Variants in PPFIBP2 observed in about 807,000 individuals in gnomAD.
PPFIBP2 encodes liprin-beta-2.
PPFIBP2 carries 118 observed loss-of-function variants against 118.3 expected under a neutral mutation model. The observed-to-expected ratio is 1.00, with a 90% CI of 0.86 to 1.16. The LOEUF (loss-of-function observed/expected upper bound fraction) is 1.16. Among genes scored for constraint, PPFIBP2 ranks in the 50% most tolerant of loss-of-function variants. The pLI is 0.00. For synonymous variants in PPFIBP2, 414 were observed against 397.4 expected (o/e 1.04, Z -0.50); for missense variants, 1,195 against 1,073.1 (o/e 1.11, Z -1.59).
chr11:7,584,363 C>G (rs928076323), intron 3 of PPFIBP2, among the ~76,000 whole-genome samples: 1 of 152,174 alleles, frequency 6.6e-6, no homozygotes, highest in African/African-American at 2.4e-5. Context: ...TTAACCTCCC[C>G]TTATATATAA....
intron 8 of PPFIBP2, among the ~76,000 whole-genome samples, chr11:7,626,993 C>T (rs1850104940): frequency 6.6e-6 from 1 of 152,230 alleles, no homozygotes; most frequent in South Asian, 2.1e-4. Context: ...CCTGCCAAGG[C>T]CTGCTTGTAG....
At chr11:7,630,173 C>T (rs1850564521) in intron 10 of PPFIBP2, among the ~76,000 whole-genome samples, 1 of 152,222 alleles carries the variant, frequency 6.6e-6, no homozygotes, top group African/African-American at 2.4e-5. Flanking sequence ...TTTCACAGCA[C>T]AGGGCTGCTT....
At chr11:7,606,085 A>C in intron 5 of PPFIBP2, 4 of 1,472,278 alleles carry the variant, frequency 2.7e-6, no homozygotes, top group Non-Finnish European at 3.6e-6. Context: ...GTTTGGGGAG[A>C]ATGTGGTATA....
chr11:7,662,171 T>C, the PPFIBP2 span, among the ~76,000 whole-genome samples: 11 of 151,220 alleles, frequency 7.3e-5, no homozygotes, highest in African/African-American at 1.2e-4. Flanking sequence ...TTGTTATGTG[T>C]GAATTTGATC....
At chr11:7,649,448 T>C (rs1340452102) in intron 20 of PPFIBP2, 84 bp from the exon 21 acceptor site, 3 of 1,559,088 alleles carry the variant, frequency 1.9e-6, no homozygotes, top group African/African-American at 1.4e-5. Context: ...GGTTGACTTG[T>C]CTATGCTTGG....
chr11:7,597,450 CTGTG>C, intron 4 of PPFIBP2, 106 bp from the exon 5 acceptor site: 1 of 1,536,670 alleles, frequency 6.5e-7, no homozygotes, highest in South Asian at 1.2e-5. Context: ...AAATCGTTCA[CTGTG>C]TGTAAGAGTC....
At chr11:7,582,248 A>C (rs12098959) in intron 3 of PPFIBP2, among the ~76,000 whole-genome samples, 30,800 of 152,072 alleles carry the variant, frequency 0.2, 3,259 homozygotes, top group East Asian at 0.27. Context: ...CCAGGTACCC[A>C]ACCTTGATTC....
chr11:7,562,572 C>T (rs1854422175), intron 2 of PPFIBP2, among the ~76,000 whole-genome samples: 1 of 152,254 alleles, frequency 6.6e-6, no homozygotes, highest in South Asian at 2.1e-4. Context: ...AGGAATGGGT[C>T]ACTGACGGCT....
downstream of PPFIBP2, among the ~76,000 whole-genome samples, chr11:7,659,259 A>G (rs2136089162): frequency 6.7e-6 from 1 of 150,088 alleles, no homozygotes; most frequent in South Asian, 2.1e-4. Flanking sequence ...GTTTTCTTCT[A>G]GGGTTTTTAT....
intron 5 of PPFIBP2, among the ~76,000 whole-genome samples, chr11:7,601,150 G>A (rs1861351379): frequency 6.6e-6 from 1 of 152,198 alleles, no homozygotes; most frequent in Admixed American, 6.5e-5. Flanking sequence ...CAAGAGGTGA[G>A]GAGTTAGTTC....
intron 3 of PPFIBP2, among the ~76,000 whole-genome samples, chr11:7,567,109 C>G (rs1476149649): frequency 6.6e-6 from 1 of 152,200 alleles, no homozygotes; most frequent in African/African-American, 2.4e-5. Flanking sequence ...TTGACTCTAT[C>G]AGTCTTTCCT....
At chr11:7,569,808 T>C (rs1855447755) in intron 3 of PPFIBP2, among the ~76,000 whole-genome samples, 2 of 152,252 alleles carry the variant, frequency 1.3e-5, no homozygotes, top group African/African-American at 2.4e-5. Flanking sequence ...GGCAGCTCTT[T>C]TGTGATGGGA....
chr11:7,608,457 A>G (rs1007126270), intron 5 of PPFIBP2, among the ~76,000 whole-genome samples: 2 of 151,754 alleles, frequency 1.3e-5, no homozygotes, highest in Admixed American at 1.3e-4. Flanking sequence ...CCTGGCCAAC[A>G]TGGTGAAACC....
chr11:7,666,485 G>C, the PPFIBP2 span: 1 of 1,613,316 alleles, frequency 6.2e-7, no homozygotes, highest in African/African-American at 1.3e-5. Context: ...ACCACAGGTT[G>C]AACTGGTCTG....
At chr11:7,651,061 A>G in intron 22 of PPFIBP2, 96 bp downstream of exon 22, 2 of 1,310,118 alleles carry the variant, frequency 1.5e-6, no homozygotes, top group Non-Finnish European at 2.1e-6. Context: ...TAACGAAAAA[A>G]AATAGGTACT....
At chr11:7,518,145 T>C (rs769065850) in intron 1 of PPFIBP2, among the ~76,000 whole-genome samples, 69 of 152,206 alleles carry the variant, frequency 4.5e-4, no homozygotes, top group Admixed American at 3.3e-3. Context: ...TTCCTCATCA[T>C]GATTGTTAAA....
chr11:7,619,194 A>C (rs1179655988), intron 6 of PPFIBP2, among the ~76,000 whole-genome samples: 1 of 152,202 alleles, frequency 6.6e-6, no homozygotes, highest in Non-Finnish European at 1.5e-5. Context: ...CATACAAATA[A>C]ATATTTAATT....
chr11:7,606,175 A>T (rs1010949275), intron 5 of PPFIBP2, among the ~76,000 whole-genome samples: 4 of 152,172 alleles, frequency 2.6e-5, no homozygotes, highest in African/African-American at 9.7e-5. Context: ...GCAGCCCTGG[A>T]ATAGGGAGCA....
At chr11:7,618,264 C>G (rs1848915504) in intron 6 of PPFIBP2, among the ~76,000 whole-genome samples, 4 of 152,172 alleles carry the variant, frequency 2.6e-5, no homozygotes, top group Admixed American at 2.6e-4. Flanking sequence ...GGTGTTGGCG[C>G]ATGACCTATG....
Sources: gnomAD v4.1 joint callset for allele counts (sites outside exome capture counted in the v4.1 genomes callset) on GRCh38, gnomAD v4.1.1 for gene constraint, MANE v1.5 for transcripts, NCBI Gene and HGNC (gene_info 2026-07-23, HGNC 2026-07-21) for gene names.